Variants in PSMA6 observed in about 807,000 individuals in gnomAD.
PSMA6 encodes proteasome subunit alpha type-6.
For missense variants in PSMA6, 170 were observed against 294.8 expected (o/e 0.58, Z 3.10); for synonymous variants, 88 against 97.7 (o/e 0.90, Z 0.59).
chr14:35,316,562 T>C (rs895719216), intron 6 of PSMA6: 1 of 151,846 alleles, frequency 6.6e-6, no homozygotes, highest in African/African-American at 2.4e-5. Context: ...ATTTCAGTTA[T>C]ACTACATATA....
upstream of PSMA6, among the ~76,000 whole-genome samples, chr14:35,291,901 A>G (rs1201864160): frequency 6.6e-6 from 1 of 151,890 alleles, no homozygotes; most frequent in Non-Finnish European, 1.5e-5. Context: ...TGGCTGTCAG[A>G]AAATAATGTT....
At chr14:35,315,160 C>A (rs955149032) in intron 6 of PSMA6, 1 of 151,948 alleles carries the variant, frequency 6.6e-6, no homozygotes, top group Admixed American at 6.6e-5. Flanking sequence ...GCAGTTAAAT[C>A]GACAGATACA....
intron 2 of PSMA6, chr14:35,308,527 C>G (rs569988978): frequency 5.2e-6 from 1 of 194,080 alleles, no homozygotes; most frequent in Non-Finnish European, 1.1e-5. Flanking sequence ...ACCCTGCTTT[C>G]CTGTCATCCA....
chr14:35,294,135 C>T (rs1594378021), intron 1 of PSMA6, among the ~76,000 whole-genome samples: 1 of 152,228 alleles, frequency 6.6e-6, no homozygotes, highest in African/African-American at 2.4e-5. Context: ...ATCTCCGCCT[C>T]CCGGGTTCAA....
intron 1 of PSMA6, chr14:35,292,903 C>G: frequency 2.0e-6 from 1 of 492,836 alleles, no homozygotes; most frequent in South Asian, 1.6e-5. Context: ...GTAATTGATT[C>G]CTTAACGTCT....
At chr14:35,290,056 G>T (rs1308650416), upstream of PSMA6, among the ~76,000 whole-genome samples, 1 of 152,086 alleles carries the variant, frequency 6.6e-6, no homozygotes, top group Non-Finnish European at 1.5e-5. Flanking sequence ...GCAGGAATTC[G>T]CTTGAGAGGG....
chr14:35,297,419 G>A (rs899103439), intron 1 of PSMA6, among the ~76,000 whole-genome samples: 5 of 151,946 alleles, frequency 3.3e-5, no homozygotes, highest in African/African-American at 1.2e-4. Context: ...GTTTCACCGT[G>A]TTAGCCAGGA....
intron 6 of PSMA6, 124 bp downstream of exon 6, chr14:35,314,579 G>T (rs2052004616): frequency 4.0e-6 from 5 of 1,256,970 alleles, no homozygotes; most frequent in Non-Finnish European, 5.2e-6. Context: ...TTGTGTGTTT[G>T]TTTTTTTCCC....
intron 1 of PSMA6, among the ~76,000 whole-genome samples, chr14:35,306,355 A>T (rs743226): frequency 6.6e-6 from 1 of 150,806 alleles, no homozygotes; most frequent in African/African-American, 2.4e-5. Context: ...TCAGAAGTTC[A>T]AGACCAGCCT....
chr14:35,305,945 G>T (rs1166307467), intron 1 of PSMA6, among the ~76,000 whole-genome samples: 1 of 151,954 alleles, frequency 6.6e-6, no homozygotes, highest in Non-Finnish European at 1.5e-5. Context: ...AAATAAACAG[G>T]CCAGGCATGG....
At chr14:35,314,200 G>A in intron 5 of PSMA6, 161 bp from the exon 6 acceptor site, 2 of 738,566 alleles carry the variant, frequency 2.7e-6, no homozygotes, top group Non-Finnish European at 3.7e-6. Flanking sequence ...TCTCATCATT[G>A]GGAGGCAATA....
chr14:35,309,730 AG>A, intron 3 of PSMA6, among the ~76,000 whole-genome samples: 1 of 152,346 alleles, frequency 6.6e-6, no homozygotes, highest in African/African-American at 2.4e-5. Flanking sequence ...CGGGAGGCAG[AG>A]GTTGCAGTGA....
chr14:35,299,615 C>T (rs1350311266), intron 1 of PSMA6, among the ~76,000 whole-genome samples: 1 of 152,138 alleles, frequency 6.6e-6, no homozygotes, highest in African/African-American at 2.4e-5. Flanking sequence ...AGCCACCATG[C>T]CCAGCCTCTT....
chr14:35,297,360 C>T (rs930702696), intron 1 of PSMA6, among the ~76,000 whole-genome samples: 3 of 151,646 alleles, frequency 2.0e-5, no homozygotes, highest in Admixed American at 6.6e-5. Flanking sequence ...GGACTGTAGG[C>T]GCCTGCCTCC....
rs1469178688 is a variant in PSMA6 at position 35,310,844 on chromosome 14, G to A, written c.358G>A (p.Asp120Asn). Residue 120 changes from aspartate to asparagine, a missense_variant, in exon 4 of 7, where the codon GAT becomes AAT. Physicochemically the swap from Asp to Asn is conservative, Grantham distance 23. Transcript: ENST00000261479. ...GGACATGCTGTGTAAAAGAATTGCC[G>A]ATATTTCTCAGGTCTACACACAGAA... ...PVDMLCKRIA[D>N]ISQVYTQNAE... 6.2e-7 allele frequency: 1 copy of A among 1,613,796 alleles called. No individual in the cohort carries two copies. The highest frequency in any genetic ancestry group is 8.5e-7 in the Non-Finnish European group (1 of 1,179,876).
chr14:35,278,845 T>C (rs1394533706), intron 1 of PSMA6: 13 of 1,084,578 alleles, frequency 1.2e-5, no homozygotes, highest in East Asian at 5.2e-5. Context: ...TGCTTTTTTT[T>C]CTATCCTGTG....
At chr14:35,278,768 T>G (rs923888077) in intron 1 of PSMA6, 4 of 1,517,732 alleles carry the variant, frequency 2.6e-6, no homozygotes, top group Non-Finnish European at 3.5e-6. Flanking sequence ...TATTACTGAT[T>G]CTTTGAAAAT....
At chr14:35,299,555 C>G (rs908190846) in intron 1 of PSMA6, among the ~76,000 whole-genome samples, 1 of 151,500 alleles carries the variant, frequency 6.6e-6, no homozygotes, top group African/African-American at 2.4e-5. Context: ...CTCCTGACCT[C>G]AAGTGATCCA....
At chr14:35,314,187 A>G in intron 5 of PSMA6, 174 bp from the exon 6 acceptor site, 1 of 608,036 alleles carries the variant, frequency 1.6e-6, no homozygotes, top group Non-Finnish European at 2.3e-6. Flanking sequence ...GTAGAAAAAA[A>G]TTTCTCATCA....
Sources: gnomAD v4.1 joint callset for allele counts (sites outside exome capture counted in the v4.1 genomes callset) on GRCh38, gnomAD v4.1.1 for gene constraint, MANE v1.5 for transcripts, NCBI Gene and HGNC (gene_info 2026-07-23, HGNC 2026-07-21) for gene names.